The following PPP1R14C variants were observed in gnomAD, a reference collection of about 807,000 sequenced individuals.
PPP1R14C encodes the protein protein phosphatase 1 regulatory subunit 14C.
Under a neutral mutation model 20.4 loss-of-function variants are expected in PPP1R14C, and 16 were observed. The observed-to-expected ratio is 0.78, with a 90% CI of 0.53 to 1.19. The LOEUF is 1.19. Ranked by LOEUF, PPP1R14C falls within the 50% of genes most tolerant of loss-of-function variation. PPP1R14C has a pLI of 0.00. For missense variants in PPP1R14C, 211 were observed against 220.1 expected (o/e 0.96, Z 0.26); for synonymous variants, 91 against 91.0 (o/e 1.00, Z 0.00).
chr6:150,174,019 C>CCG lies in PPP1R14C; in HGVS notation c.306+30522_306+30523insGC, dbSNP rs1450117102. 2.7e-5 allele frequency among the ~76,000 whole-genome samples: 4 copies of CCG among 149,786 alleles called. No homozygotes were observed. In the East Asian group the frequency reaches 7.9e-4, roughly 30 times the overall value. Reference sequence around the variant, plus strand: ...TGCTTATTTGGCACCTCTCCCTCCCCCCCACCCCCGAGATTTGTTAAGGTA... The same window carrying CCG: ...TGCTTATTTGGCACCTCTCCCTCCCCCGCCCACCCCCGAGATTTGTTAAGGTA... On this transcript the variant is annotated intron_variant, in intron 1 of 3. Transcript: ENST00000361131.
At chr6:150,195,875 A>T (rs1021725502) in intron 1 of PPP1R14C, 22 of 985,058 alleles carry the variant, frequency 2.2e-5, no homozygotes, top group Non-Finnish European at 2.7e-5. Flanking sequence ...AGGACAGGAA[A>T]CTCCCAGTTC....
At chr6:150,202,330 T>C (rs898158977) in intron 1 of PPP1R14C, among the ~76,000 whole-genome samples, 1 of 152,244 alleles carries the variant, frequency 6.6e-6, no homozygotes, top group African/African-American at 2.4e-5. Flanking sequence ...AGGCACTGCC[T>C]GGCTCCGGCT....
At chr6:150,152,620 C>T (rs1777262270) in intron 1 of PPP1R14C, among the ~76,000 whole-genome samples, 1 of 152,044 alleles carries the variant, frequency 6.6e-6, no homozygotes, top group Non-Finnish European at 1.5e-5. Flanking sequence ...GTCTAGCTTG[C>T]ACCTGTTCTT....
At chr6:150,149,336 T>C (rs141338939) in intron 1 of PPP1R14C, among the ~76,000 whole-genome samples, 225 of 152,126 alleles carry the variant, frequency 1.5e-3, no homozygotes, top group African/African-American at 4.8e-3. Context: ...TGTGTGTGTA[T>C]ATTTCAGACA....
At chr6:150,159,627 T>C (rs979676535) in intron 1 of PPP1R14C, among the ~76,000 whole-genome samples, 2 of 152,142 alleles carry the variant, frequency 1.3e-5, no homozygotes, top group Non-Finnish European at 2.9e-5. Context: ...CTTTTTTTTT[T>C]TTTTTAAACA....
At chr6:150,191,599 C>T (rs1204792146) in intron 1 of PPP1R14C, among the ~76,000 whole-genome samples, 1 of 152,226 alleles carries the variant, frequency 6.6e-6, no homozygotes, top group East Asian at 1.9e-4. Flanking sequence ...TTGATTGAAT[C>T]TGGAAAACAC....
At position 150,210,289 on chromosome 6, in the gene PPP1R14C, C is replaced by T. The variant is rs575633674; in HGVS notation, c.307-4455C>T. 3.3e-5 allele frequency among the ~76,000 whole-genome samples: 5 copies of T among 152,268 alleles called. No homozygotes were observed. The East Asian group carries it at 9.6e-4, about 29-fold the overall frequency. On this transcript the variant is annotated intron_variant, in intron 1 of 3. Transcript: ENST00000361131. ...CCGGTGTGCTCCCGTCATTACTGTC[C>T]TTCTCCAAAACCTCTCAGCCTCAGA...
intron 1 of PPP1R14C, among the ~76,000 whole-genome samples, chr6:150,152,589 C>T (rs1388256733): frequency 2.0e-5 from 3 of 152,098 alleles, no homozygotes; most frequent in Non-Finnish European, 4.4e-5. Flanking sequence ...CCACCCCCTC[C>T]CCTGCCCCCA....
chr6:150,153,343 A>T (rs1224467242), intron 1 of PPP1R14C, among the ~76,000 whole-genome samples: 1 of 152,266 alleles, frequency 6.6e-6, no homozygotes, highest in Admixed American at 6.5e-5. Context: ...AATTATAACT[A>T]TGGAGTCCTT....
At chr6:150,242,850 G>A (rs1305738023) in intron 3 of PPP1R14C, among the ~76,000 whole-genome samples, 2 of 152,108 alleles carry the variant, frequency 1.3e-5, no homozygotes, top group Admixed American at 6.6e-5. Context: ...CAGCAAGCTT[G>A]CAGGATACAA....
At chr6:150,192,267 C>A (rs561856469) in intron 1 of PPP1R14C, among the ~76,000 whole-genome samples, 9 of 152,268 alleles carry the variant, frequency 5.9e-5, no homozygotes, top group African/African-American at 2.2e-4. Context: ...TGGTCCCCAA[C>A]CTTTTTGGCA....
At chr6:150,221,347 C>T (rs892990005) in intron 3 of PPP1R14C, among the ~76,000 whole-genome samples, 1 of 152,178 alleles carries the variant, frequency 6.6e-6, no homozygotes, top group Admixed American at 6.5e-5. Context: ...TGATCTTGTG[C>T]TCTTTCTTTC....
At chr6:150,199,103 C>G (rs1446547705) in intron 1 of PPP1R14C, among the ~76,000 whole-genome samples, 1 of 152,028 alleles carries the variant, frequency 6.6e-6, no homozygotes, top group Non-Finnish European at 1.5e-5. Flanking sequence ...CCTGTGGCTC[C>G]CAACTATGGT....
intron 1 of PPP1R14C, among the ~76,000 whole-genome samples, chr6:150,198,255 C>G (rs1477927124): frequency 7.0e-6 from 1 of 143,050 alleles, no homozygotes; most frequent in African/African-American, 2.7e-5. Context: ...CTGCCTGCCA[C>G]GGTGGAGGAG....
intron 1 of PPP1R14C, among the ~76,000 whole-genome samples, chr6:150,163,323 G>A (rs1168676963): frequency 5.9e-5 from 9 of 152,158 alleles, no homozygotes; most frequent in South Asian, 2.1e-4. Flanking sequence ...CCTGGGAGGC[G>A]GAGATTGCAG....
At chr6:150,199,632 G>T (rs959492637) in intron 1 of PPP1R14C, among the ~76,000 whole-genome samples, 1 of 152,196 alleles carries the variant, frequency 6.6e-6, no homozygotes, top group African/African-American at 2.4e-5. Flanking sequence ...GCTCTTTGGA[G>T]GCTAAAGTGG....
intron 1 of PPP1R14C, among the ~76,000 whole-genome samples, chr6:150,145,601 G>A (rs1412175205): frequency 1.3e-5 from 2 of 152,168 alleles, no homozygotes; most frequent in Admixed American, 1.3e-4. Flanking sequence ...TCTATTTTTA[G>A]CATTGGGTTC....
intron 1 of PPP1R14C, among the ~76,000 whole-genome samples, chr6:150,175,226 T>G (rs1777548648): frequency 6.6e-6 from 1 of 152,114 alleles, no homozygotes; most frequent in African/African-American, 2.4e-5. Flanking sequence ...TCTGGTCCCA[T>G]TGTAGCGATG....
At chr6:150,221,807 A>C (rs56244054) in intron 3 of PPP1R14C, among the ~76,000 whole-genome samples, 1 of 151,930 alleles carries the variant, frequency 6.6e-6, no homozygotes, top group Non-Finnish European at 1.5e-5. Context: ...ATTTTATTTT[A>C]ATTTTTTTTG....
Sources: gnomAD v4.1 joint callset for allele counts (sites outside exome capture counted in the v4.1 genomes callset) on GRCh38, gnomAD v4.1.1 for gene constraint, MANE v1.5 for transcripts, NCBI Gene and HGNC (gene_info 2026-07-23, HGNC 2026-07-21) for gene names.